The following TGS1 variants were observed in gnomAD, a reference collection of about 807,000 sequenced individuals.
TGS1 encodes trimethylguanosine synthase 1.
Under a neutral mutation model 92.2 loss-of-function variants are expected in TGS1, and 69 were observed. The ratio of observed to expected loss-of-function variants is 0.75; its 90% CI spans 0.62 to 0.91. TGS1 has a LOEUF of 0.91. Ranked by LOEUF, TGS1 falls within the 40% of genes least tolerant of loss-of-function variation. TGS1 has a pLI of 0.00. For synonymous variants in TGS1, 345 were observed against 338.1 expected (o/e 1.02, Z -0.22); for missense variants, 1,062 against 1,001.2 (o/e 1.06, Z -0.82).
intron 4 of TGS1, 111 bp downstream of exon 4, chr8:55,787,171 C>T: frequency 1.4e-6 from 1 of 706,162 alleles, no homozygotes. Context: ...AAGTACATTT[C>T]ATATAATAAT....
At chr8:55,795,743 A>G (rs1181277552) in intron 6 of TGS1, among the ~76,000 whole-genome samples, 10 of 152,150 alleles carry the variant, frequency 6.6e-5, no homozygotes, top group Admixed American at 6.6e-4. Flanking sequence ...TCTCCTCTAT[A>G]TTAGGTATGT....
Position 55,792,765 on chromosome 8 carries a change from A to G in TGS1, c.1348A>G (p.Lys450Glu). Residue 450 changes from lysine (K) to glutamate (E), a missense_variant, in exon 6 of 13, where the codon AAG becomes GAG. Coordinates refer to ENST00000260129, the MANE Select transcript of TGS1 (RefSeq NM_024831.8). ...FDDSGSLLGF[K>E]YGSGQKYGGI... Reference sequence around the variant, plus strand: ...TGACAGTGGTTCCCTTCTAGGATTCAAGTATGGCTCAGGACAAAAGTAATT... The same window carrying G: ...TGACAGTGGTTCCCTTCTAGGATTCGAGTATGGCTCAGGACAAAAGTAATT... 1 of 1,613,346 alleles carries G rather than the reference A, an allele frequency of 6.2e-7. No homozygotes were observed. Among genetic ancestry groups the G allele is most frequent in the Non-Finnish European group, 8.5e-7 (1 of 1,179,318 alleles).
At chr8:55,820,248 G>GA (rs902755450) in intron 12 of TGS1, among the ~76,000 whole-genome samples, 2 of 152,020 alleles carry the variant, frequency 1.3e-5, no homozygotes, top group East Asian at 1.9e-4. Context: ...AGTTTCTCTT[G>GA]AAAAAATGCA....
chr8:55,782,767 T>G lies in TGS1; in HGVS notation c.121T>G (p.Leu41Val). The G allele has an allele frequency of 1.2e-6, 2 of 1,610,958 alleles. No homozygotes were observed. The highest frequency in any genetic ancestry group is 1.7e-6 in the Non-Finnish European group (2 of 1,179,068). The change falls in exon 2 of 13, where the codon TTG becomes GTG. Residue 41 changes from leucine to valine, a missense_variant. Physicochemically the swap from Leu to Val is conservative, Grantham distance 32. Coordinates refer to ENST00000260129, the MANE Select transcript of TGS1 (RefSeq NM_024831.8). Reference sequence around the variant, plus strand: ...TCGCAGGGATCGAAAATTGTACAATTTGGGATTAAAAGGCTATTACATCAG... The same window carrying G: ...TCGCAGGGATCGAAAATTGTACAATGTGGGATTAAAAGGCTATTACATCAG... ...AFVEDRKLYN[L>V]GLKGYYIRDS...
rs1223607892 is a variant in TGS1 at position 55,825,673 on chromosome 8, T to C, written c.*970T>C. On this transcript the variant is annotated 3_prime_UTR_variant, in exon 13 of 13. Coordinates refer to ENST00000260129, the MANE Select transcript of TGS1 (RefSeq NM_024831.8). Reference sequence around the variant, plus strand: ...GGAATTTCCAATAAATACTAGAAAATTAGACTAGAAAAATAGCTGTTATAT... The same window carrying C: ...GGAATTTCCAATAAATACTAGAAAACTAGACTAGAAAAATAGCTGTTATAT... 6.6e-6 allele frequency among the ~76,000 whole-genome samples: 1 copy of C among 152,136 alleles called. No individual in the cohort carries two copies. Among genetic ancestry groups the C allele is most frequent in the African/African-American group, 2.4e-5 (1 of 41,436 alleles).
chr8:55,798,964 A>G lies in TGS1; in HGVS notation c.1593A>G (p.Ser531=). The change falls in exon 8 of 13, where the codon TCA becomes TCG. Residue 531 remains serine, a synonymous_variant. Coordinates refer to ENST00000260129, the MANE Select transcript of TGS1 (RefSeq NM_024831.8). ...ATAAACCAATGGATGAAGAAGCATC[A>G]CAGGAATCATCTTCTCATGACAATG... ...WVNKPMDEEA[S]QESSSHDNVH... is the part of the protein sequence containing the mutation. 1 of 1,613,684 alleles carries G rather than the reference A, an allele frequency of 6.2e-7. No individual in the cohort carries two copies. The highest frequency in any genetic ancestry group is 8.5e-7 in the Non-Finnish European group (1 of 1,179,924).
intron 12 of TGS1, among the ~76,000 whole-genome samples, chr8:55,821,042 TCTAA>T (rs1211937728): frequency 6.6e-6 from 1 of 152,200 alleles, no homozygotes; most frequent in African/African-American, 2.4e-5. Context: ...ACTCCAAAAT[TCTAA>T]CTTTTAACAT....
Position 55,776,967 on chromosome 8 carries a change from C to T in TGS1, c.101+3248C>T, listed in dbSNP as rs566082733. On this transcript the variant is annotated intron_variant, in intron 1 of 12. Transcript: ENST00000260129. ...TTTGTTGGTTTTTTTTTGGTGGTGGCGGGGTGGTTCTTGGGTGTTTTTTTT... is the reference window on the plus strand; with the variant it reads ...TTTGTTGGTTTTTTTTTGGTGGTGGTGGGGTGGTTCTTGGGTGTTTTTTTT... 8.6e-5 allele frequency among the ~76,000 whole-genome samples: 13 copies of T among 151,144 alleles called. No individual in the cohort carries two copies. The South Asian group carries it at 2.5e-3, about 29-fold the overall frequency.
At chr8:55,784,463 C>A (rs1811653762) in intron 2 of TGS1, among the ~76,000 whole-genome samples, 1 of 152,064 alleles carries the variant, frequency 6.6e-6, no homozygotes. Flanking sequence ...ACTACAGGCA[C>A]CACCACACCA....
rs1410406951 is a variant in TGS1 at position 55,802,439 on chromosome 8, C to A, written c.1850-18C>A. 6.2e-7 allele frequency: 1 copy of A among 1,606,754 alleles called. No homozygotes were observed. The highest frequency in any genetic ancestry group is 8.5e-7 in the Non-Finnish European group (1 of 1,175,272). On this transcript the variant is annotated intron_variant, in intron 8 of 12. Coordinates refer to ENST00000260129, the MANE Select transcript of TGS1 (RefSeq NM_024831.8). The stretch of plus-strand genomic sequence containing the variant: ...TTTTTTCTTAGTGAGCATCTATATT[C>A]TTTGTATTTTATTTTAGCTGAAGTG...
chr8:55,815,590 G>T (rs1230383956), intron 12 of TGS1, among the ~76,000 whole-genome samples: 4 of 152,092 alleles, frequency 2.6e-5, no homozygotes, highest in Non-Finnish European at 5.9e-5. Context: ...CTCATATGAA[G>T]GACAGTTAAT....
rs746399858 is a variant in TGS1 at position 55,804,940 on chromosome 8, G to T, written c.2047G>T (p.Gly683Cys). 5 of 1,613,962 alleles carry T rather than the reference G, an allele frequency of 3.1e-6. No homozygotes were observed. The highest frequency in any genetic ancestry group is 4.2e-6 in the Non-Finnish European group (5 of 1,179,892). The change falls in exon 10 of 13, where the codon GGC (glycine) becomes TGC (cysteine). Residue 683 changes from glycine (G) to cysteine (C), a missense_variant. Transcript: ENST00000260129. ...TPEKIAEHIA[G>C]RVSQSFKCDV... The stretch of plus-strand genomic sequence containing the variant: ...CGAGAAGATTGCTGAACACATTGCT[G>T]GCCGTGTTAGTCAGTCCTTCAAGTG...
rs1207011803 is a variant in TGS1 at position 55,824,644 on chromosome 8, T to C, written c.2503T>C (p.Leu835=). The C allele has an allele frequency of 6.2e-7, 1 of 1,614,220 alleles. No individual in the cohort carries two copies. The highest frequency in any genetic ancestry group is 8.5e-7 in the Non-Finnish European group (1 of 1,180,038). Reference sequence around the variant, plus strand: ...AGAACAGAACTTCCTTAACAACAAATTGAAGACAATCACTGCATATTTTGG... The same window carrying C: ...AGAACAGAACTTCCTTAACAACAAACTGAAGACAATCACTGCATATTTTGG... ...EIEQNFLNNK[L]KTITAYFGDL... Residue 835 remains leucine, a synonymous_variant, in exon 13 of 13, where the codon TTG becomes CTG. Transcript: ENST00000260129.
chr8:55,823,056 T>C (rs564383782), intron 12 of TGS1, among the ~76,000 whole-genome samples: 1 of 152,354 alleles, frequency 6.6e-6, no homozygotes, highest in Admixed American at 6.5e-5. Context: ...TTGCTGTGTC[T>C]TCTATTCTCT....
At chr8:55,805,706 T>A (rs1812346287) in intron 10 of TGS1, among the ~76,000 whole-genome samples, 1 of 150,870 alleles carries the variant, frequency 6.6e-6, no homozygotes, top group South Asian at 2.1e-4. Flanking sequence ...GCCAACATGG[T>A]GAAACCCCGT....
At position 55,811,055 on chromosome 8, in the gene TGS1, C is replaced by T. The variant is rs1368765706; in HGVS notation, c.2318C>T (p.Thr773Ile). The T allele has an allele frequency of 1.2e-6, 2 of 1,614,102 alleles. No homozygotes were observed. Among genetic ancestry groups the T allele is most frequent in the South Asian group, 1.1e-5 (1 of 91,084 alleles). The change falls in exon 11 of 13, where the codon ACT (threonine) becomes ATT (isoleucine). Residue 773 changes from threonine to isoleucine, a missense_variant. Physicochemically the swap from Thr to Ile is moderately conservative, Grantham distance 89. Transcript: ENST00000260129. ...CCTTGGGGAGGGCCAGACTATGCCA[C>T]TGCAGAGACCTTTGACATTAGAACA... ...SPPWGGPDYATAETFDIRTMM... is the reference protein window; with the variant it reads ...SPPWGGPDYAIAETFDIRTMM...
chr8:55,785,504 T>C (rs1319306514), intron 2 of TGS1, among the ~76,000 whole-genome samples: 1 of 152,098 alleles, frequency 6.6e-6, no homozygotes, highest in East Asian at 1.9e-4. Flanking sequence ...GTTCAGAGCT[T>C]TTTAGTGCAT....
intron 12 of TGS1, among the ~76,000 whole-genome samples, chr8:55,813,936 TTTG>T (rs749003841): frequency 2.4e-4 from 37 of 152,236 alleles, no homozygotes; most frequent in Non-Finnish European, 4.6e-4. Flanking sequence ...TAGCGCTTTT[TTTG>T]TTGTTGTTTT....
intron 12 of TGS1, among the ~76,000 whole-genome samples, chr8:55,822,318 CCT>C (rs1210462505): frequency 6.6e-6 from 1 of 152,096 alleles, no homozygotes; most frequent in Non-Finnish European, 1.5e-5. Flanking sequence ...GATCCACCCT[CCT>C]CGACCTCCCA....
Sources: gnomAD v4.1 joint callset for allele counts (sites outside exome capture counted in the v4.1 genomes callset) on GRCh38, gnomAD v4.1.1 for gene constraint, MANE v1.5 for transcripts, NCBI Gene and HGNC (gene_info 2026-07-23, HGNC 2026-07-21) for gene names.